ZNF658: variants seen among roughly 807,000 people sequenced by gnomAD.
ZNF658 encodes the protein zinc finger protein 658.
ZNF658 carries 46 observed loss-of-function variants against 78.0 expected under a neutral mutation model. That is an observed-to-expected ratio of 0.59 (90% confidence interval 0.47 to 0.75). The LOEUF (loss-of-function observed/expected upper bound fraction) is 0.75. Ranked by LOEUF, ZNF658 falls within the 30% of genes least tolerant of loss-of-function variation. ZNF658 has a pLI of 0.00. For synonymous variants in ZNF658, 279 were observed against 408.4 expected, an observed-to-expected ratio of 0.68 and a Z score of 3.82; for missense variants, 785 against 1,189.3, an observed-to-expected ratio of 0.66 and a Z score of 5.00.
chr9:66,908,282 G>A lies in ZNF658; in HGVS notation c.60G>A (p.Glu20=), dbSNP rs753507534. The stretch of plus-strand genomic sequence containing the variant: ...ACGTGACTGTGGAATTCACCCGGGA[G>A]GAGTGGCAGCACCTGGGCCCTGTCG... ...FQDVTVEFTR[E]EWQHLGPVER... Residue 20 remains glutamate, a synonymous_variant, in exon 3 of 5, where the codon GAG becomes GAA. Coordinates refer to ENST00000621410, the MANE Select transcript of ZNF658 (RefSeq NM_033160.7). 2.5e-6 allele frequency: 4 copies of A among 1,614,112 alleles called. No homozygotes were observed. The highest frequency in any genetic ancestry group is 4.5e-5 in the East Asian group (2 of 44,874).
chr9:66,908,364 G>C lies in ZNF658; in HGVS notation c.142G>C (p.Gly48Arg). 1 of 1,614,046 alleles carries C rather than the reference G, an allele frequency of 6.2e-7. No individual in the cohort carries two copies. Among genetic ancestry groups the C allele is most frequent in the Non-Finnish European group, 8.5e-7 (1 of 1,179,986 alleles). Residue 48 changes from glycine to arginine, a missense_variant and splice_region_variant, in exon 3 of 5, where the codon GGA (glycine) becomes CGA (arginine). This residue lies in a region of ZNF658 where 79 missense variants were observed against 96.5 expected (regional missense o/e 0.82). Transcript: ENST00000621410. Reference sequence around the variant, plus strand: ...GAACTACAGCCACCTCATCTCAGTGGGTGAGCATAGCTTACCATGGGGCTC... The same window carrying C: ...GAACTACAGCCACCTCATCTCAGTGCGTGAGCATAGCTTACCATGGGGCTC... ...LENYSHLISV[G>R]YCITKPKVIS...
At position 66,908,277 on chromosome 9, in the gene ZNF658, C is replaced by T. The variant is rs138196680; in HGVS notation, c.55C>T (p.Arg19Trp). The stretch of plus-strand genomic sequence containing the variant: ...CCAGGACGTGACTGTGGAATTCACC[C>T]GGGAGGAGTGGCAGCACCTGGGCCC... ...SFQDVTVEFTREEWQHLGPVE... is the reference protein window; with the variant it reads ...SFQDVTVEFTWEEWQHLGPVE... The change falls in exon 3 of 5, where the codon CGG becomes TGG. Residue 19 changes from arginine (R) to tryptophan (W), a missense_variant. Arg to Trp is a moderately radical substitution (Grantham distance 101). Transcript: ENST00000621410. 349 of 1,613,914 alleles carry T rather than the reference C, an allele frequency of 2.2e-4. No individual in the cohort carries two copies. The highest frequency in any genetic ancestry group is 5.6e-4 in the East Asian group (25 of 44,856).
At chr9:66,909,567 T>C (rs931249844) in intron 4 of ZNF658, among the ~76,000 whole-genome samples, 1 of 151,672 alleles carries the variant, frequency 6.6e-6, no homozygotes, top group African/African-American at 2.4e-5. Flanking sequence ...GTTTTATTTC[T>C]CTTGTGTATA....
Position 66,904,823 on chromosome 9 carries a change from G to C in ZNF658, c.15+1247G>C, listed in dbSNP as rs376745749. On this transcript the variant is annotated intron_variant, in intron 2 of 4. Transcript: ENST00000621410. The stretch of plus-strand genomic sequence containing the variant: ...GAATTATCTCAGGTTTTGTTTACCT[G>C]GGAAAATTCCAGTTTCTCTATTTTT... Among the ~76,000 whole-genome samples the C allele has an allele frequency of 4.6e-5, 7 of 151,942 alleles. No homozygotes were observed. The East Asian group carries it at 1.2e-3, about 25-fold the overall frequency.
In ZNF658 at chr9:66,918,760, C is replaced by T. The variant is rs1266145900; in HGVS notation, c.1194C>T (p.His398=). Residue 398 remains histidine, a synonymous_variant, in exon 5 of 5, where the codon CAC becomes CAT. Coordinates refer to ENST00000621410, the MANE Select transcript of ZNF658 (RefSeq NM_033160.7). ...KCRKSFYRKA[H]LIQHQRPHSG... ...GAAAATCCTTTTACCGGAAAGCACA[C>T]CTCATTCAGCATCAGAGGCCCCACT... 3 of 1,613,914 alleles carry T rather than the reference C, an allele frequency of 1.9e-6. No individual in the cohort carries two copies. Among genetic ancestry groups the T allele is most frequent in the Non-Finnish European group, 2.5e-6 (3 of 1,179,862 alleles).
rs569076519 is a variant in ZNF658 at position 66,920,964 on chromosome 9, C to T, written c.*218C>T. On this transcript the variant is annotated 3_prime_UTR_variant, in exon 5 of 5. Coordinates refer to ENST00000621410, the MANE Select transcript of ZNF658 (RefSeq NM_033160.7). The stretch of plus-strand genomic sequence containing the variant: ...CTTAAAAAAAAAAAAGAAAAACCCT[C>T]ACAGTCTTCCTGGTTCATAAGATGG... 1.7e-4 allele frequency: 106 copies of T among 614,476 alleles called. No individual in the cohort carries two copies. The African/African-American group carries it at 1.8e-3, about 10-fold the overall frequency. The allele number at this position is 614,476 out of a possible 1,614,324, so 38.1% of individuals were successfully genotyped here. A position where few individuals can be genotyped will look rare whatever the true frequency, so the allele number is the denominator to read the frequency against.
At chr9:66,909,907 A>G (rs1822173568) in intron 4 of ZNF658, among the ~76,000 whole-genome samples, 1 of 152,208 alleles carries the variant, frequency 6.6e-6, no homozygotes, top group African/African-American at 2.4e-5. Flanking sequence ...AAATGAAAGT[A>G]CTAATAAGTT....
At chr9:66,925,424 A>G (rs1337456186), downstream of ZNF658, among the ~76,000 whole-genome samples, 1 of 152,154 alleles carries the variant, frequency 6.6e-6, no homozygotes, top group African/African-American at 2.4e-5. Flanking sequence ...CTGATGTCAC[A>G]GAAATCCAAA....
At chr9:66,927,413 T>A (rs571094477) in intron 6 of ZNF658, among the ~76,000 whole-genome samples, 4 of 152,220 alleles carry the variant, frequency 2.6e-5, no homozygotes, top group African/African-American at 9.6e-5. Context: ...GAATACACGA[T>A]GGTGCATTTA....
intron 4 of ZNF658, among the ~76,000 whole-genome samples, chr9:66,910,329 C>T (rs1402542635): frequency 6.6e-6 from 1 of 151,904 alleles, no homozygotes. Flanking sequence ...GTAAAATCAT[C>T]TTATTAGAAG....
At chr9:66,924,223 G>A, downstream of ZNF658, 2 of 407,058 alleles carry the variant, frequency 4.9e-6, no homozygotes, top group South Asian at 3.4e-5. Flanking sequence ...TTCTTTTAGG[G>A]CTTGCTGTCT....
intron 4 of ZNF658, 45 bp from the exon 5 acceptor site, chr9:66,917,760 A>G (rs2118068847): frequency 7.0e-7 from 1 of 1,420,732 alleles, no homozygotes; most frequent in East Asian, 2.5e-5. Flanking sequence ...CTTCTCCATG[A>G]GAAATGTAAG....
At chr9:66,907,753 T>G (rs1260309336) in intron 2 of ZNF658, among the ~76,000 whole-genome samples, 1 of 152,246 alleles carries the variant, frequency 6.6e-6, no homozygotes, top group Non-Finnish European at 1.5e-5. Flanking sequence ...TCCATTGCTG[T>G]GACCTCAGTG....
At chr9:66,903,410 A>C in intron 1 of ZNF658, 108 bp from the exon 2 acceptor site, 3 of 717,434 alleles carry the variant, frequency 4.2e-6, no homozygotes, top group Non-Finnish European at 7.6e-6. Context: ...GTTATGTCGC[A>C]GTAAAACCAT....
rs1025974733 is a variant in ZNF658 at position 66,920,064 on chromosome 9, A to G, written c.2498A>G (p.Lys833Arg). ...CCCTATGAATGTAACCAATGTGGGAAAACTTTCTCCCAAAGAACACACCTC... is the reference window on the plus strand; with the variant it reads ...CCCTATGAATGTAACCAATGTGGGAGAACTTTCTCCCAAAGAACACACCTC... ...EKPYECNQCG[K>R]TFSQRTHLCA... Residue 833 changes from lysine (K) to arginine (R), a missense_variant, in exon 5 of 5, where the codon AAA (lysine) becomes AGA (arginine). Lys to Arg is a conservative substitution (Grantham distance 26). Transcript: ENST00000621410. 6.2e-7 allele frequency: 1 copy of G among 1,613,250 alleles called. No individual in the cohort carries two copies. Among genetic ancestry groups the G allele is most frequent in the African/African-American group, 1.3e-5 (1 of 74,886 alleles).
intron 2 of ZNF658, among the ~76,000 whole-genome samples, chr9:66,907,610 T>C (rs910278695): frequency 6.6e-5 from 10 of 152,146 alleles, no homozygotes; most frequent in African/African-American, 2.4e-4. Flanking sequence ...TTGAAATATT[T>C]GTCTTTCTGT....
rs560970467 is a variant in ZNF658, at chr9:66,918,363, G to T, written c.797G>T (p.Arg266Met). ...TTTAACCACATGAGAACTGACACAA[G>T]GGGGAAATGCTCTGATCTTAATGAA... ...TLFNHMRTDT[R>M]GKCSDLNEYG... The change falls in exon 5 of 5, where the codon AGG becomes ATG. Residue 266 changes from arginine (R) to methionine (M), a missense_variant. Physicochemically the swap from Arg to Met is moderately conservative, Grantham distance 91. Transcript: ENST00000621410. 6.2e-7 allele frequency: 1 copy of T among 1,613,844 alleles called. No individual in the cohort carries two copies. Among genetic ancestry groups the T allele is most frequent in the Non-Finnish European group, 8.5e-7 (1 of 1,179,840 alleles).
chr9:66,918,665 G>C lies in ZNF658; in HGVS notation c.1099G>C (p.Asp367His), dbSNP rs1415517944. The C allele has an allele frequency of 6.2e-7, 1 of 1,613,702 alleles. No individual in the cohort carries two copies. The highest frequency in any genetic ancestry group is 1.3e-5 in the African/African-American group (1 of 74,870). The change falls in exon 5 of 5, where the codon GAC becomes CAC. Residue 367 changes from aspartate (D) to histidine (H), a missense_variant. Physicochemically the swap from Asp to His is moderately conservative, Grantham distance 81 (BLOSUM62 -1). Around this residue, in one of 12 missense-constraint regions of ZNF658, gnomAD observed 393 missense variants for 400.2 expected, o/e 0.98. Coordinates refer to ENST00000621410, the MANE Select transcript of ZNF658 (RefSeq NM_033160.7). Reference sequence around the variant, plus strand: ...TACAGATGCCCTCTACCAGAAATTAGACTTTACAGCACATCAGAGAATTCA... The same window carrying C: ...TACAGATGCCCTCTACCAGAAATTACACTTTACAGCACATCAGAGAATTCA... ...ECTDALYQKL[D>H]FTAHQRIHTE... is the part of the protein sequence containing the mutation.
At chr9:66,903,759 C>T (rs1822008042) in intron 2 of ZNF658, among the ~76,000 whole-genome samples, 183 bp downstream of exon 2, 1 of 152,086 alleles carries the variant, frequency 6.6e-6, no homozygotes, top group South Asian at 2.1e-4. Flanking sequence ...TCCGATATTA[C>T]AAATTTACCA....
Sources: gnomAD v4.1 joint callset for allele counts (sites outside exome capture counted in the v4.1 genomes callset) on GRCh38, gnomAD v4.1.1 for gene constraint, gnomAD v4.1.1 regional missense constraint, MANE v1.5 for transcripts, NCBI Gene and HGNC (gene_info 2026-07-23, HGNC 2026-07-21) for gene names.